The following TAF1 variants were observed in gnomAD, a reference collection of about 807,000 sequenced individuals.
The protein encoded by TAF1 is TATA-box binding protein associated factor 1.
A neutral mutation model predicts 138.5 loss-of-function variants in TAF1; 2 were observed. That is an observed-to-expected ratio of 0.01 (90% CI 0.01 to 0.05). TAF1 has a LOEUF of 0.05. Ranked by LOEUF, TAF1 falls within the 10% of genes least tolerant of loss-of-function variation. The pLI is 1.00. For missense variants in TAF1, 709 were observed against 1,478.0 expected (o/e 0.48, Z 8.53); for synonymous variants, 437 against 503.2 (o/e 0.87, Z 1.76).
intron 13 of TAF1, among the ~76,000 whole-genome samples, chrX:71,502,306 G>A (rs896869940): frequency 4.5e-5 from 5 of 110,197 alleles, no homozygotes; most frequent in Admixed American, 3.9e-4. Context: ...TGATTGGTGC[G>A]TTTTTACAGA....
At chrX:71,440,904 C>T (rs1268240413) in intron 32 of TAF1, among the ~76,000 whole-genome samples, 2 of 109,133 alleles carry the variant, frequency 1.8e-5, no homozygotes, top group Non-Finnish European at 3.8e-5. Context: ...TGTGTCTTCT[C>T]CTCCTCCCTT....
intron 32 of TAF1, among the ~76,000 whole-genome samples, chrX:71,426,553 TA>T (rs766927330): frequency 1.3e-3 from 146 of 110,796 alleles, no homozygotes; most frequent in Non-Finnish European, 2.6e-3. Context: ...CCGTCTCTAC[TA>T]AAAGTACAAA....
At chrX:71,455,324 G>A (rs954452153) in intron 34 of TAF1, among the ~76,000 whole-genome samples, 1 of 111,649 alleles carries the variant, frequency 9.0e-6, no homozygotes, top group Non-Finnish European at 1.9e-5. Context: ...TTGACTCCTA[G>A]TAAATGAAGA....
rs200071413 is a variant in TAF1, at chrX:71,462,643, A to AT, written c.5400-1174dup. Among the ~76,000 whole-genome samples the AT allele has an allele frequency of 9.0e-5, 10 of 111,418 alleles. No homozygotes were observed. In the East Asian group the frequency reaches 2.2e-3, roughly 25 times the overall value. On this transcript the variant is annotated intron_variant, in intron 37 of 37. Transcript: ENST00000423759. Reference sequence around the variant, plus strand: ...AAACGCAGTAAAACCACGAAGTGCAATTTTTTTACCTATCATATTGGTGAT... The same window carrying AT: ...AAACGCAGTAAAACCACGAAGTGCAATTTTTTTTACCTATCATATTGGTGAT...
intron 8 of TAF1, among the ~76,000 whole-genome samples, chrX:71,380,057 A>G (rs1224781173): frequency 7.2e-5 from 8 of 110,884 alleles, no homozygotes; most frequent in African/African-American, 2.3e-4. Flanking sequence ...CTTTGAAAAT[A>G]CAGTATAGTG....
chrX:71,523,894 A>G (rs1316835681), intron 13 of TAF1, among the ~76,000 whole-genome samples: 1 of 111,861 alleles, frequency 8.9e-6, no homozygotes, highest in African/African-American at 3.2e-5. Flanking sequence ...ATCCTAATAT[A>G]GATGCACAGG....
intron 14 of TAF1, among the ~76,000 whole-genome samples, chrX:71,385,782 G>T (rs900985740): frequency 2.7e-5 from 3 of 111,400 alleles, no homozygotes; most frequent in African/African-American, 9.8e-5. Context: ...TCTTTGTATT[G>T]TTCTTCTCCT....
At chrX:71,407,336 G>T (rs1040338489) in intron 26 of TAF1, among the ~76,000 whole-genome samples, 1 of 106,608 alleles carries the variant, frequency 9.4e-6, no homozygotes, top group Non-Finnish European at 1.9e-5. Context: ...TCCTACCTCA[G>T]CCTCCTGAGT....
downstream of TAF1, among the ~76,000 whole-genome samples, chrX:71,470,358 T>C (rs2038859619): frequency 9.0e-6 from 1 of 110,988 alleles, no homozygotes; most frequent in African/African-American, 3.3e-5. Flanking sequence ...AATGAGATTA[T>C]AGGTGACATT....
chrX:71,381,984 A>G, intron 9 of TAF1, 65 bp downstream of exon 9: 2 of 1,084,864 alleles, frequency 1.8e-6, no homozygotes, highest in East Asian at 6.5e-5. Context: ...GTCAACGGGC[A>G]GGAGGAAATC....
chrX:71,460,921 A>G (rs1273317974), intron 37 of TAF1, 118 bp downstream of exon 37: 1 of 1,015,384 alleles, frequency 9.8e-7, no homozygotes, highest in East Asian at 3.3e-5. Flanking sequence ...TACTAGGGCC[A>G]GGCACTGTGC....
intron 32 of TAF1, among the ~76,000 whole-genome samples, chrX:71,438,136 C>T (rs1456182717): frequency 1.8e-5 from 2 of 111,002 alleles, no homozygotes; most frequent in Non-Finnish European, 3.8e-5. Context: ...CATGCCCAGC[C>T]GTCATTTTAA....
At position 71,529,078 on chromosome X, in the gene TAF1, G is replaced by GT. The variant is rs371086480; in HGVS notation, c.*174+364dup. Among the ~76,000 whole-genome samples the GT allele has an allele frequency of 3.0e-3, 285 of 94,940 alleles. 1 individual carries two copies. Among genetic ancestry groups the GT allele is most frequent in the Non-Finnish European group, 4.3e-3 (199 of 46,631 alleles). The allele number at this position is 94,940 out of a possible 115,157, so 82.4% of individuals were successfully genotyped here. ...GCGCTGATTGGTGCGTTTTGTTTTT[G>GT]TTTTTTTTTTTGAGACAGAGTCTCG... On this transcript the variant is annotated intron_variant and NMD_transcript_variant, in intron 14 of 14. Coordinates refer to the TAF1 transcript ENST00000373775.
chrX:71,426,973 G>T (rs1256742796), intron 32 of TAF1, among the ~76,000 whole-genome samples: 1 of 112,051 alleles, frequency 8.9e-6, no homozygotes, highest in Non-Finnish European at 1.9e-5. Flanking sequence ...TCTCAATTAA[G>T]AATCCACATG....
At chrX:71,396,318 A>G (rs1272153139) in intron 22 of TAF1, among the ~76,000 whole-genome samples, 2 of 100,744 alleles carry the variant, frequency 2.0e-5, no homozygotes, top group Non-Finnish European at 4.0e-5. Flanking sequence ...TTTTTGAAAC[A>G]GGACCTCATT....
At chrX:71,528,822 G>T in intron 14 of TAF1, 1 of 258,645 alleles carries the variant, frequency 3.9e-6, no homozygotes, top group Non-Finnish European at 7.3e-6. Context: ...TCCATAGCGT[G>T]AAAGGGTACC....
chrX:71,411,057 A>G (rs1205211643), intron 28 of TAF1, among the ~76,000 whole-genome samples: 1 of 110,498 alleles, frequency 9.0e-6, no homozygotes, highest in Non-Finnish European at 1.9e-5. Context: ...TGCTGGGATT[A>G]CAGGCGTGAG....
rs757506002 is a variant in TAF1 at position 71,458,196 on chromosome X, T to C, written c.4939-45T>C. 18 of 1,196,246 alleles carry C rather than the reference T, an allele frequency of 1.5e-5. No individual in the cohort carries two copies. The East Asian group carries it at 4.2e-4, about 28-fold the overall frequency. ...TAAAGGGGAGTTATCTGTATTTATT[T>C]TCCCTTTCCTAGATAGAAGCTAAGT... On this transcript the variant is annotated intron_variant, in intron 34 of 37. Transcript: ENST00000423759.
At chrX:71,431,914 C>CAAAA (rs762790780) in intron 32 of TAF1, among the ~76,000 whole-genome samples, 1 of 36,904 alleles carries the variant, frequency 2.7e-5, no homozygotes, top group Non-Finnish European at 5.4e-5. Flanking sequence ...GACTCCGTCT[C>CAAAA]AAAAAAAAAA....
Sources: gnomAD v4.1 joint callset for allele counts (sites outside exome capture counted in the v4.1 genomes callset) on GRCh38, gnomAD v4.1.1 for gene constraint, MANE v1.5 for transcripts, NCBI Gene and HGNC (gene_info 2026-07-23, HGNC 2026-07-21) for gene names.